Variants in MTUS2 observed in about 807,000 individuals in gnomAD.
MTUS2 encodes microtubule-associated tumor suppressor candidate 2.
MTUS2 carries 40 observed loss-of-function variants against 114.1 expected under a neutral mutation model. That is an observed-to-expected ratio of 0.35 (90% CI 0.27 to 0.46). The LOEUF is 0.46. Among genes scored for constraint, MTUS2 ranks in the 20% least tolerant of loss-of-function variants. MTUS2 has a pLI of 1.00. For missense variants in MTUS2, 1,679 were observed against 1,705.4 expected, an observed-to-expected ratio of 0.98 and a Z score of 0.27; for synonymous variants, 688 against 672.0, an observed-to-expected ratio of 1.02 and a Z score of -0.37.
Position 29,025,354 on chromosome 13 carries a change from C to T in MTUS2, c.656C>T (p.Thr219Ile). 6.2e-7 allele frequency: 1 copy of T among 1,613,784 alleles called. No homozygotes were observed. The highest frequency in any genetic ancestry group is 8.5e-7 in the Non-Finnish European group (1 of 1,179,856). ...IPGGGEGPQK[T>I]LPDHAVPAAF... ...GGGGGTGGGGAGGGGCCACAGAAGA[C>T]ATTGCCAGACCACGCTGTCCCGGCA... The change falls in exon 3 of 16, where the codon ACA becomes ATA. Residue 219 changes from threonine to isoleucine, a missense_variant. Physicochemically the swap from Thr to Ile is moderately conservative, Grantham distance 89. This residue lies in a region of MTUS2 where 843 missense variants were observed against 770.8 expected (regional missense o/e 1.09). Transcript: ENST00000612955.
chr13:29,366,369 T>G (rs1430868687), intron 8 of MTUS2, among the ~76,000 whole-genome samples: 1 of 152,142 alleles, frequency 6.6e-6, no homozygotes, highest in Non-Finnish European at 1.5e-5. Flanking sequence ...CCCACCCCCA[T>G]GATTCAGTTA....
At chr13:29,407,229 G>A (rs1011232095) in intron 8 of MTUS2, among the ~76,000 whole-genome samples, 4 of 152,162 alleles carry the variant, frequency 2.6e-5, no homozygotes, top group African/African-American at 9.7e-5. Context: ...CTGGGCAACA[G>A]AGCGAGACTG....
intron 5 of MTUS2, among the ~76,000 whole-genome samples, chr13:29,257,921 G>A (rs879518141): frequency 6.6e-6 from 1 of 152,196 alleles, no homozygotes; most frequent in Non-Finnish European, 1.5e-5. Flanking sequence ...GAGCCACTGG[G>A]CACTGCAGGT....
intron 2 of MTUS2, among the ~76,000 whole-genome samples, chr13:28,974,448 G>A (rs1883996438): frequency 6.6e-6 from 1 of 152,138 alleles, no homozygotes; most frequent in Non-Finnish European, 1.5e-5. Context: ...AAATGGCTAA[G>A]TTTTTAGAAA....
intron 5 of MTUS2, among the ~76,000 whole-genome samples, chr13:29,128,730 C>G (rs1174514763): frequency 6.6e-6 from 1 of 152,010 alleles, no homozygotes; most frequent in African/African-American, 2.4e-5. Flanking sequence ...CCATGTGTCA[C>G]TCATGTTGTT....
At chr13:29,446,252 C>T (rs1566205027) in intron 9 of MTUS2, among the ~76,000 whole-genome samples, 1 of 152,204 alleles carries the variant, frequency 6.6e-6, no homozygotes, top group South Asian at 2.1e-4. Context: ...ATGATTCACT[C>T]ATTTAGCGAG....
At chr13:28,820,282 CG>C (rs1258905050), upstream of MTUS2, 1 of 147,318 alleles carries the variant, frequency 6.8e-6, no homozygotes, top group African/African-American at 2.5e-5. Context: ...GTGCCTGCGC[CG>C]AGGTGAGTGC....
chr13:29,036,315 G>A (rs561816318), intron 4 of MTUS2, among the ~76,000 whole-genome samples: 27 of 152,272 alleles, frequency 1.8e-4, no homozygotes, highest in Non-Finnish European at 2.2e-4. Flanking sequence ...AAGCTGTGGC[G>A]AAGAAGAAAC....
At chr13:29,211,498 A>G (rs139565065) in intron 5 of MTUS2, among the ~76,000 whole-genome samples, 2 of 152,346 alleles carry the variant, frequency 1.3e-5, no homozygotes, top group African/African-American at 4.8e-5. Context: ...AATTGTTTCA[A>G]AGTTCAGCTG....
chr13:29,226,517 T>C (rs1315569925), intron 5 of MTUS2, among the ~76,000 whole-genome samples: 1 of 152,142 alleles, frequency 6.6e-6, no homozygotes, highest in Non-Finnish European at 1.5e-5. Context: ...GAAACTTCAT[T>C]TGCACTCCCA....
chr13:29,213,928 TTA>T (rs560880640), intron 5 of MTUS2, among the ~76,000 whole-genome samples: 145 of 152,184 alleles, frequency 9.5e-4, no homozygotes, highest in Non-Finnish European at 1.9e-3. Flanking sequence ...ACTGAATAGT[TTA>T]TGATTCCATT....
intron 4 of MTUS2, among the ~76,000 whole-genome samples, chr13:29,034,583 C>T (rs190823374): frequency 1.3e-5 from 2 of 152,134 alleles, no homozygotes; most frequent in African/African-American, 2.4e-5. Flanking sequence ...AGGAGAACTC[C>T]GGGTTTCTGG....
At chr13:29,242,867 AT>A (rs11307321) in intron 5 of MTUS2, among the ~76,000 whole-genome samples, 143,156 of 152,288 alleles carry the variant, frequency 0.94, 67,920 homozygotes, top group East Asian at 1. Flanking sequence ...AGATAGTACC[AT>A]TTGTCATCTT....
chr13:29,457,807 G>A (rs1242319261), intron 9 of MTUS2, among the ~76,000 whole-genome samples: 1 of 152,026 alleles, frequency 6.6e-6, no homozygotes, highest in African/African-American at 2.4e-5. Flanking sequence ...GCCAACATTT[G>A]TCAGTAATTT....
intron 2 of MTUS2, among the ~76,000 whole-genome samples, chr13:28,959,310 C>T (rs1421524921): frequency 1.3e-5 from 2 of 152,144 alleles, no homozygotes; most frequent in African/African-American, 4.8e-5. Flanking sequence ...TCCCCATCTT[C>T]TGAGATTGTA....
chr13:28,893,408 G>A (rs528586410), intron 2 of MTUS2, among the ~76,000 whole-genome samples: 13 of 152,250 alleles, frequency 8.5e-5, no homozygotes, highest in Admixed American at 2.0e-4. Flanking sequence ...AAACATAGAC[G>A]GGAAGTGGCC....
At chr13:29,092,364 T>C (rs775096263) in intron 4 of MTUS2, among the ~76,000 whole-genome samples, 36 of 152,330 alleles carry the variant, frequency 2.4e-4, no homozygotes, top group Middle Eastern at 3.4e-3. Flanking sequence ...CCAATCAGCA[T>C]GTACTCACCC....
At chr13:29,468,075 C>T (rs1231685306) in intron 9 of MTUS2, among the ~76,000 whole-genome samples, 1 of 151,794 alleles carries the variant, frequency 6.6e-6, no homozygotes, top group Non-Finnish European at 1.5e-5. Flanking sequence ...GCTATGATCA[C>T]ACCACTGCAC....
At chr13:29,241,141 G>T (rs1385216470) in intron 5 of MTUS2, among the ~76,000 whole-genome samples, 2 of 152,158 alleles carry the variant, frequency 1.3e-5, no homozygotes, top group Non-Finnish European at 2.9e-5. Flanking sequence ...CTTCAACAGA[G>T]TTGAAAGAGC....
Sources: gnomAD v4.1 joint callset for allele counts (sites outside exome capture counted in the v4.1 genomes callset) on GRCh38, gnomAD v4.1.1 for gene constraint, gnomAD v4.1.1 regional missense constraint, MANE v1.5 for transcripts, NCBI Gene and HGNC (gene_info 2026-07-23, HGNC 2026-07-21) for gene names.